The following ARHGEF6 variants were observed in gnomAD, a reference collection of about 807,000 sequenced individuals.
ARHGEF6 encodes the protein rho guanine nucleotide exchange factor 6.
ARHGEF6 carries 9 observed loss-of-function variants against 70.3 expected under a neutral mutation model. The ratio of observed to expected loss-of-function variants is 0.13; its 90% CI spans 0.08 to 0.22. The LOEUF is 0.22. Ranked by LOEUF, ARHGEF6 falls within the 10% of genes least tolerant of loss-of-function variation. ARHGEF6 has a pLI of 1.00. For missense variants in ARHGEF6, 470 were observed against 563.0 expected, an observed-to-expected ratio of 0.83 and a Z score of 1.67; for synonymous variants, 201 against 207.8, an observed-to-expected ratio of 0.97 and a Z score of 0.28.
intron 9 of ARHGEF6, among the ~76,000 whole-genome samples, chrX:136,705,094 C>T (rs754242824): frequency 9.0e-6 from 1 of 110,579 alleles, no homozygotes; most frequent in African/African-American, 3.3e-5. Context: ...CCAAGGTGGG[C>T]GGATCATTTG....
intron 5 of ARHGEF6, 47 bp from the exon 6 acceptor site, chrX:136,732,219 A>T: frequency 9.9e-7 from 1 of 1,007,210 alleles, no homozygotes; most frequent in Non-Finnish European, 1.4e-6. Flanking sequence ...GAAGGCTATG[A>T]TGAACATTTT....
chrX:136,727,045 C>G (rs1436783783), intron 6 of ARHGEF6, among the ~76,000 whole-genome samples: 1 of 112,358 alleles, frequency 8.9e-6, no homozygotes, highest in Non-Finnish European at 1.9e-5. Flanking sequence ...ATGGCTCCCC[C>G]TGTCTGAATA....
At chrX:136,744,174 T>A (rs1328694404) in intron 4 of ARHGEF6, among the ~76,000 whole-genome samples, 1 of 111,714 alleles carries the variant, frequency 9.0e-6, no homozygotes, top group Non-Finnish European at 1.9e-5. Flanking sequence ...CATAATTATA[T>A]AACCAAGATG....
At chrX:136,711,714 C>T (rs1017760157) in intron 7 of ARHGEF6, among the ~76,000 whole-genome samples, 1 of 109,827 alleles carries the variant, frequency 9.1e-6, no homozygotes, top group African/African-American at 3.3e-5. Context: ...AGGTGCGCAC[C>T]ACCAAGCCGA....
intron 6 of ARHGEF6, among the ~76,000 whole-genome samples, chrX:136,727,323 CTT>C (rs541833198): frequency 0.26 from 19,040 of 74,377 alleles, 2,238 homozygotes; most frequent in African/African-American, 0.4. Context: ...TTCTTTCTTT[CTT>C]TTTCTTTCTT....
chrX:136,744,959 A>G (rs890374367), intron 4 of ARHGEF6, among the ~76,000 whole-genome samples: 2 of 112,265 alleles, frequency 1.8e-5, no homozygotes, highest in Admixed American at 1.9e-4. Flanking sequence ...AATGACTTCC[A>G]TTTGCATAGC....
rs771703370 is a variant in ARHGEF6, at chrX:136,778,380, T to C, written c.249+1034A>G. On this transcript the variant is annotated intron_variant, in intron 2 of 21. Transcript: ENST00000250617. Reference sequence around the variant, plus strand: ...CTAATACTAGTCTATTAATATAGAGTACTTCTTCTGTCCCAGGCCCTATGC... The same window carrying C: ...CTAATACTAGTCTATTAATATAGAGCACTTCTTCTGTCCCAGGCCCTATGC... Among the ~76,000 whole-genome samples the C allele has an allele frequency of 1.0e-3, 112 of 111,768 alleles. 1 individual carries two copies. The highest frequency in any genetic ancestry group is 1.8e-3 in the Non-Finnish European group (96 of 53,142).
intron 2 of ARHGEF6, among the ~76,000 whole-genome samples, chrX:136,759,862 T>G (rs2077247950): frequency 8.9e-6 from 1 of 112,101 alleles, no homozygotes; most frequent in South Asian, 3.7e-4. Flanking sequence ...CAAGAAAGTA[T>G]AAAGCTTGGA....
chrX:136,675,129 G>C (rs1294305157), intron 18 of ARHGEF6, 33 bp from the exon 19 acceptor site: 1 of 1,139,748 alleles, frequency 8.8e-7, no homozygotes, highest in Non-Finnish European at 1.2e-6. Context: ...ACTTTTCATA[G>C]ATATATGCTT....
intron 3 of ARHGEF6, among the ~76,000 whole-genome samples, chrX:136,746,428 T>A (rs1309113521): frequency 8.9e-6 from 1 of 112,387 alleles, no homozygotes; most frequent in Non-Finnish European, 1.9e-5. Context: ...ATTGCTATTA[T>A]ATACAGCTCT....
In ARHGEF6 at chrX:136,675,086, A is replaced by G. The variant is rs1248887776; in HGVS notation, c.1956T>C (p.Ala652=). The G allele has an allele frequency of 1.7e-6, 2 of 1,209,842 alleles. No homozygotes were observed. Among genetic ancestry groups the G allele is most frequent in the Non-Finnish European group, 2.2e-6 (2 of 893,745 alleles). The change falls in exon 19 of 22, where the codon GCT becomes GCC. Residue 652 remains alanine, a synonymous_variant. Coordinates refer to ENST00000250617, the MANE Select transcript of ARHGEF6 (RefSeq NM_004840.3). The part of the protein sequence containing the change: ...EEYVIRKSTA[A]LEEDAQILKV... ...TAAGGATTTGAGCATCCTCTTCCAG[A>G]GCAGCTGTACCTGTGAAATTTAATT...
intron 5 of ARHGEF6, among the ~76,000 whole-genome samples, chrX:136,733,041 T>C (rs997431420): frequency 9.0e-6 from 1 of 111,166 alleles, no homozygotes; most frequent in African/African-American, 3.3e-5. Context: ...TCCACTGCGT[T>C]GTAAAATACT....
intron 9 of ARHGEF6, among the ~76,000 whole-genome samples, chrX:136,692,107 C>T (rs1461318200): frequency 9.0e-6 from 1 of 111,352 alleles, no homozygotes; most frequent in East Asian, 2.8e-4. Flanking sequence ...CTTTTCTGAG[C>T]AGGAGAGAAA....
intron 2 of ARHGEF6, among the ~76,000 whole-genome samples, chrX:136,753,822 G>T (rs1364024707): frequency 3.6e-5 from 4 of 111,963 alleles, no homozygotes; most frequent in African/African-American, 1.3e-4. Context: ...TTTTCAAAAT[G>T]TCATTTTTAA....
intron 2 of ARHGEF6, among the ~76,000 whole-genome samples, chrX:136,778,777 C>G (rs1033704951): frequency 1.8e-5 from 2 of 111,679 alleles, no homozygotes; most frequent in African/African-American, 6.5e-5. Context: ...TCATGCCCGG[C>G]CTTATTTGAT....
intron 9 of ARHGEF6, among the ~76,000 whole-genome samples, chrX:136,704,399 C>A (rs1446226178): frequency 8.9e-6 from 1 of 112,325 alleles, no homozygotes; most frequent in African/African-American, 3.2e-5. Flanking sequence ...GGCTAAGGAT[C>A]TGAATAGACA....
chrX:136,774,377 G>A (rs1377508120), intron 2 of ARHGEF6, among the ~76,000 whole-genome samples: 1 of 110,561 alleles, frequency 9.0e-6, no homozygotes, highest in Middle Eastern at 4.6e-3. Flanking sequence ...TTGGCCAGGC[G>A]TGGTGGCTCA....
In ARHGEF6 at chrX:136,667,697, C is replaced by T. The variant is rs1157963257; in HGVS notation, c.*332G>A. On this transcript the variant is annotated 3_prime_UTR_variant, in exon 22 of 22. Transcript: ENST00000250617. ...CTGTGAACTGAAGGCAATCTGAAGA[C>T]CTTTTAAGTAACTGGCCTGCATTCC... is the stretch of plus-strand genomic sequence containing the variant. The T allele has an allele frequency of 2.4e-5, 7 of 288,586 alleles. No homozygotes were observed. The Admixed American group carries it at 3.2e-4, about 13-fold the overall frequency. 23.8% of individuals were successfully genotyped at this position (288,586 alleles called of 1,213,427 possible). A position where few individuals can be genotyped will look rare whatever the true frequency, so the allele number is the denominator to read the frequency against.
Position 136,750,693 on chromosome X carries a change from C to T in ARHGEF6, c.250-3101G>A, listed in dbSNP as rs1197792208. Among the ~76,000 whole-genome samples, 3 of 112,144 alleles carry T rather than the reference C, an allele frequency of 2.7e-5. No homozygotes were observed. In the East Asian group the frequency reaches 8.3e-4, roughly 31 times the overall value. ...TGTTCAAATCTAACAACAATAAAAA[C>T]ATTTACTCTAACCAATAGGACAGAC... On this transcript the variant is annotated intron_variant, in intron 2 of 21. Transcript: ENST00000250617.
Sources: gnomAD v4.1 joint callset for allele counts (sites outside exome capture counted in the v4.1 genomes callset) on GRCh38, gnomAD v4.1.1 for gene constraint, MANE v1.5 for transcripts, NCBI Gene and HGNC (gene_info 2026-07-23, HGNC 2026-07-21) for gene names.